Variants in ANKAR observed in about 807,000 individuals in gnomAD.
The protein encoded by ANKAR is ankyrin and armadillo repeat containing, also known as ankyrin and armadillo repeat-containing protein.
ANKAR carries 136 observed loss-of-function variants against 146.2 expected under a neutral mutation model. The observed-to-expected ratio is 0.93, with a 90% CI of 0.81 to 1.07. The LOEUF (loss-of-function observed/expected upper bound fraction) is 1.07, where lower values mean the gene tolerates loss of function less well. Among genes scored for constraint, ANKAR ranks in the 50% least tolerant of loss-of-function variants. The probability of loss-of-function intolerance (pLI) is 0.00; values close to 1 mark genes in which losing one functional copy is unlikely to be tolerated. For missense variants in ANKAR, 1,567 were observed against 1,679.9 expected, an observed-to-expected ratio of 0.93 and a Z score of 1.18; for synonymous variants, 500 against 575.8, an observed-to-expected ratio of 0.87 and a Z score of 1.88.
At chr2:189,683,381 C>T (rs2035043815) in intron 2 of ANKAR, among the ~76,000 whole-genome samples, 1 of 152,174 alleles carries the variant, frequency 6.6e-6, no homozygotes, top group South Asian at 2.1e-4. Flanking sequence ...GGATGGGTTC[C>T]ATCAGGAGTC....
chr2:189,761,572 TA>T (rs761965981), downstream of ANKAR: 130 of 1,610,372 alleles, frequency 8.1e-5, no homozygotes, highest in Non-Finnish European at 1.1e-4. Flanking sequence ...TAAAACTTCT[TA>T]AAAATTCATA....
At chr2:189,706,836 G>A in intron 8 of ANKAR, 102 bp from the exon 9 acceptor site, 2 of 746,288 alleles carry the variant, frequency 2.7e-6, no homozygotes, top group Non-Finnish European at 4.3e-6. Flanking sequence ...ATAGAAGGTG[G>A]TGGTGTAAGT....
intron 18 of ANKAR, among the ~76,000 whole-genome samples, chr2:189,755,807 A>T (rs941973202): frequency 3.3e-5 from 5 of 152,218 alleles, no homozygotes; most frequent in Non-Finnish European, 7.3e-5. Flanking sequence ...TTGTTGACAA[A>T]TGAAATCACC....
chr2:189,746,262 G>C (rs565080248), intron 22 of ANKAR, 118 bp from the exon 23 acceptor site: 2 of 1,235,202 alleles, frequency 1.6e-6, no homozygotes, highest in African/African-American at 1.5e-5. Flanking sequence ...TGGAAGTACT[G>C]ATCTGTTCTC....
At position 189,746,603 on chromosome 2, in the gene ANKAR, C is replaced by A; in HGVS notation, c.4281C>A (p.Ala1427=). 1 of 1,608,226 alleles carries A rather than the reference C, an allele frequency of 6.2e-7. No individual in the cohort carries two copies. Among genetic ancestry groups the A allele is most frequent in the South Asian group, 1.1e-5 (1 of 89,008 alleles). Residue 1427 remains alanine, a synonymous_variant, in exon 23 of 23, where the codon GCC becomes GCA. Coordinates refer to ENST00000684021, the MANE Select transcript of ANKAR (RefSeq NM_001378068.1). The part of the protein sequence containing the change: ...LNQLGKHVQK[A]NPEPAEG The stretch of plus-strand genomic sequence containing the variant: ...AACTTGGGAAACATGTCCAGAAAGC[C>A]AACCCAGAGCCTGCAGAAGGCTAAT...
Position 189,719,793 on chromosome 2 carries a change from A to C in ANKAR, c.2446A>C (p.Lys816Gln), listed in dbSNP as rs1354330089. 1.3e-6 allele frequency: 2 copies of C among 1,578,228 alleles called. No individual in the cohort carries two copies. Among genetic ancestry groups the C allele is most frequent in the African/African-American group, 2.7e-5 (2 of 74,532 alleles). Residue 816 changes from lysine (K) to glutamine (Q), a missense_variant, in exon 11 of 23, where the codon AAG becomes CAG. Transcript: ENST00000684021. ...ATATGATATTGCTCAATGTGAAAAC[A>C]AGGATGTTATTGCCAAATATGTAAG... is the stretch of plus-strand genomic sequence containing the variant. ...ILYDIAQCEN[K>Q]DVIAKYNGIP...
intron 2 of ANKAR, among the ~76,000 whole-genome samples, chr2:189,679,854 A>C (rs1052072949): frequency 3.2e-4 from 48 of 152,232 alleles, no homozygotes; most frequent in African/African-American, 1.1e-3. Flanking sequence ...AGATTCCGTT[A>C]GTATTTTCTT....
rs1220372394 is a variant in ANKAR, at chr2:189,693,169, T to C, written c.1299T>C (p.His433=). ...EYYSIPVMEF[H]GKSYYVIYFE... is the part of the protein sequence containing the mutation. ...ACTCAATACCAGTCATGGAATTTCA[T>C]GGAAAAAGGTACGGAGCTTTCACTA... The change falls in exon 5 of 23, where the codon CAT becomes CAC. Residue 433 remains histidine (H), a synonymous_variant. Coordinates refer to ENST00000684021, the MANE Select transcript of ANKAR (RefSeq NM_001378068.1). 2.6e-6 allele frequency: 4 copies of C among 1,549,200 alleles called. No homozygotes were observed. The highest frequency in any genetic ancestry group is 3.5e-6 in the Non-Finnish European group (4 of 1,138,282).
chr2:189,694,593 A>G (rs1055276550), intron 5 of ANKAR, among the ~76,000 whole-genome samples: 1 of 152,222 alleles, frequency 6.6e-6, no homozygotes, highest in Non-Finnish European at 1.5e-5. Context: ...TGCCCAAAGC[A>G]TCATTCCATA....
rs749037391 is a variant in ANKAR at position 189,738,613 on chromosome 2, T to A, written c.3631T>A (p.Ser1211Thr). ...VIRDMDHITLSARGVTILVDS... is the reference protein window; with the variant it reads ...VIRDMDHITLTARGVTILVDS... ...TAGAGATATGGACCATATTACTTTG[T>A]CTGCAAGAGGTGTTACTATTTTAGT... Residue 1211 changes from serine (S) to threonine (T), a missense_variant, in exon 19 of 23, where the codon TCT (serine) becomes ACT (threonine). Coordinates refer to ENST00000684021, the MANE Select transcript of ANKAR (RefSeq NM_001378068.1). The A allele has an allele frequency of 2.5e-6, 4 of 1,612,592 alleles. No individual in the cohort carries two copies. The South Asian group carries it at 3.3e-5, about 13-fold the overall frequency.
intron 3 of ANKAR, among the ~76,000 whole-genome samples, chr2:189,691,754 A>G (rs1402975492): frequency 6.6e-6 from 1 of 150,832 alleles, no homozygotes; most frequent in Non-Finnish European, 1.5e-5. Context: ...AACTGAGGGC[A>G]GTATTGGCAC....
At chr2:189,702,080 G>C (rs2038154690) in intron 7 of ANKAR, among the ~76,000 whole-genome samples, 1 of 152,108 alleles carries the variant, frequency 6.6e-6, no homozygotes, top group Non-Finnish European at 1.5e-5. Flanking sequence ...GATGGTTAGA[G>C]GGGACTGGAG....
intron 3 of ANKAR, among the ~76,000 whole-genome samples, chr2:189,691,819 T>G (rs1454803789): frequency 6.6e-6 from 1 of 151,492 alleles, no homozygotes; most frequent in East Asian, 1.9e-4. Flanking sequence ...CGGAGTGGAG[T>G]GGCATGATCT....
chr2:189,740,483 C>A (rs1394101431), intron 19 of ANKAR, among the ~76,000 whole-genome samples: 3 of 152,164 alleles, frequency 2.0e-5, no homozygotes, highest in African/African-American at 7.2e-5. Context: ...TATGAAAATA[C>A]ATTTTTATCT....
chr2:189,741,983 A>G (rs1234009683), intron 20 of ANKAR, among the ~76,000 whole-genome samples: 3 of 152,198 alleles, frequency 2.0e-5, no homozygotes, highest in Admixed American at 2.0e-4. Flanking sequence ...ATGAATGAAA[A>G]TGGAATTCAT....
intron 18 of ANKAR, among the ~76,000 whole-genome samples, chr2:189,755,884 A>C (rs2045998020): frequency 1.3e-5 from 2 of 152,230 alleles, no homozygotes; most frequent in Non-Finnish European, 2.9e-5. Flanking sequence ...AATTGTATTT[A>C]AGGAAAATTA....
intron 12 of ANKAR, among the ~76,000 whole-genome samples, chr2:189,722,769 G>C (rs2041447492): frequency 6.6e-6 from 1 of 151,804 alleles, no homozygotes; most frequent in African/African-American, 2.4e-5. Context: ...TGTAATCCCA[G>C]TTACTTGAGA....
At chr2:189,701,309 T>A (rs561292021) in intron 7 of ANKAR, among the ~76,000 whole-genome samples, 3 of 152,286 alleles carry the variant, frequency 2.0e-5, no homozygotes, top group Admixed American at 6.5e-5. Context: ...CTTAGCTTAC[T>A]CCAGCTTCTA....
rs763841689 is a variant in ANKAR, at chr2:189,728,110, T to A, written c.2877+13T>A. On this transcript the variant is annotated intron_variant, in intron 13 of 22. Coordinates refer to ENST00000684021, the MANE Select transcript of ANKAR (RefSeq NM_001378068.1). ...AAAACTCCTAAAGGTAGGAATTTTA[T>A]GATTACTGGTCATTTTTCTTAGATG... 1.3e-6 allele frequency: 2 copies of A among 1,587,440 alleles called. No individual in the cohort carries two copies. The highest frequency in any genetic ancestry group is 2.7e-5 in the African/African-American group (2 of 73,692).
Sources: allele counts gnomAD v4.1 joint callset (sites outside exome capture counted in the v4.1 genomes callset), GRCh38; gene constraint gnomAD v4.1.1; transcripts MANE v1.5; gene names NCBI Gene and HGNC (gene_info 2026-07-23, HGNC 2026-07-21).